Variants in PTPRS observed in about 807,000 individuals in gnomAD.
PTPRS encodes protein tyrosine phosphatase receptor type S, also known as receptor-type tyrosine-protein phosphatase S.
PTPRS carries 63 observed loss-of-function variants against 215.3 expected under a neutral mutation model. The ratio of observed to expected loss-of-function variants is 0.29; its 90% CI spans 0.24 to 0.36. The LOEUF is 0.36. PTPRS is among the 10% of genes least tolerant of loss of function. The pLI is 1.00. For missense variants in PTPRS, 2,258 were observed against 2,825.8 expected, an observed-to-expected ratio of 0.80 and a Z score of 4.56; for synonymous variants, 1,404 against 1,191.4, an observed-to-expected ratio of 1.18 and a Z score of -3.68.
intron 13 of PTPRS, among the ~76,000 whole-genome samples, chr19:5,232,470 A>T (rs2043096964): frequency 6.6e-6 from 1 of 151,948 alleles, no homozygotes; most frequent in Non-Finnish European, 1.5e-5. Context: ...TGTACCAGGC[A>T]CCATGCCAAG....
chr19:5,220,144 T>A lies in PTPRS; in HGVS notation c.3560A>T (p.Asp1187Val). The change falls in exon 22 of 38, where the codon GAC becomes GTC. Residue 1187 changes from aspartate (D) to valine (V), a missense_variant. Asp to Val is a radical substitution (Grantham distance 152, BLOSUM62 -3). Around this residue, in one of 6 missense-constraint regions of PTPRS, gnomAD observed 927 missense variants for 1,125.9 expected, o/e 0.82. Coordinates refer to ENST00000262963, the MANE Select transcript of PTPRS (RefSeq NM_002850.4). ...EDMDLEELIQDISRLQRRSLR... is the reference protein window; with the variant it reads ...EDMDLEELIQVISRLQRRSLR... ...GCTGCGCCTCTGTAGCCGTGAGATG[T>A]CCTGGATGAGCTGCGGGAACAGAGT... 6.2e-7 allele frequency: 1 copy of A among 1,611,418 alleles called. No individual in the cohort carries two copies. Among genetic ancestry groups the A allele is most frequent in the South Asian group, 1.1e-5 (1 of 91,050 alleles).
intron 9 of PTPRS, among the ~76,000 whole-genome samples, chr19:5,247,194 TTAATAATAA>T (rs112152247): frequency 6.8e-6 from 1 of 147,742 alleles, no homozygotes; most frequent in Non-Finnish European, 1.5e-5. Context: ...AAATAGTATA[TTAATAATAA>T]TAATAATAAT....
intron 1 of PTPRS, among the ~76,000 whole-genome samples, chr19:5,288,586 A>G (rs971444434): frequency 1.3e-5 from 2 of 152,214 alleles, no homozygotes; most frequent in African/African-American, 4.8e-5. Context: ...GGCCCTGCCC[A>G]GAAATGCACA....
rs1478713697 is a variant in PTPRS at position 5,244,517 on chromosome 19, C to T, written c.989-35G>A. On this transcript the variant is annotated intron_variant, in intron 10 of 37. Transcript: ENST00000262963. The surrounding 1 kb of genome is among the most constrained non-coding windows in gnomAD (Gnocchi z 7.2). ...GGAGGCAGCTGTGTCACGCATTGGGCACATTGGTTGAGGACCCTGAAGGCT... is the reference window on the plus strand; with the variant it reads ...GGAGGCAGCTGTGTCACGCATTGGGTACATTGGTTGAGGACCCTGAAGGCT... The T allele has an allele frequency of 1.3e-6, 2 of 1,571,612 alleles. No individual in the cohort carries two copies. Among genetic ancestry groups the T allele is most frequent in the Non-Finnish European group, 1.7e-6 (2 of 1,149,700 alleles).
At chr19:5,267,452 T>A (rs896297816) in intron 4 of PTPRS, among the ~76,000 whole-genome samples, 21 of 151,174 alleles carry the variant, frequency 1.4e-4, no homozygotes, top group Admixed American at 5.9e-4. Flanking sequence ...AGGTCAGGAG[T>A]TCGAGACCAG....
At chr19:5,304,633 G>A (rs1048042483) in intron 1 of PTPRS, among the ~76,000 whole-genome samples, 1 of 152,062 alleles carries the variant, frequency 6.6e-6, no homozygotes, top group Non-Finnish European at 1.5e-5. Flanking sequence ...TGGGTGATAG[G>A]GGGAGACTCC....
chr19:5,300,392 A>G (rs1356823076), intron 1 of PTPRS, among the ~76,000 whole-genome samples: 1 of 152,178 alleles, frequency 6.6e-6, no homozygotes, highest in Non-Finnish European at 1.5e-5. Context: ...TTCTGTGGCC[A>G]GCTCTCCCAG....
chr19:5,293,268 G>C lies in PTPRS; in HGVS notation c.-94-7034C>G, dbSNP rs1220676230. ...AAGACTCGGGAGAGGCCTCGGCCTG[G>C]GGAGCTCGGCCTGGGGGCGGGGCAA... On this transcript the variant is annotated intron_variant, in intron 1 of 37. Transcript: ENST00000262963. The surrounding 1 kb of genome is among the most constrained non-coding windows in gnomAD (Gnocchi z 8.4). 1 of 151,244 alleles carries C rather than the reference G, an allele frequency of 6.6e-6. No individual in the cohort carries two copies. Among genetic ancestry groups the C allele is most frequent in the African/African-American group, 2.4e-5 (1 of 41,096 alleles). 9.4% of individuals were successfully genotyped at this position (151,244 alleles called of 1,614,324 possible).
At chr19:5,288,868 G>C (rs1187500447) in intron 1 of PTPRS, among the ~76,000 whole-genome samples, 1 of 152,194 alleles carries the variant, frequency 6.6e-6, no homozygotes, top group Non-Finnish European at 1.5e-5. Flanking sequence ...GGCTCCCACG[G>C]CAGAAGCCAT....
chr19:5,273,634 G>A, intron 3 of PTPRS, 51 bp from the exon 4 acceptor site: 1 of 1,609,360 alleles, frequency 6.2e-7, no homozygotes, highest in African/African-American at 1.3e-5. Context: ...GTCCCAGGAA[G>A]GTTCCTGTCT....
intron 14 of PTPRS, among the ~76,000 whole-genome samples, chr19:5,230,701 T>A (rs113149163): frequency 4.3e-4 from 66 of 152,300 alleles, no homozygotes; most frequent in African/African-American, 1.5e-3. Context: ...ACTCATATGA[T>A]CCTCCTGCCT....
intron 6 of PTPRS, among the ~76,000 whole-genome samples, chr19:5,261,958 T>C (rs2046028952): frequency 6.6e-6 from 1 of 152,102 alleles, no homozygotes; most frequent in African/African-American, 2.4e-5. Flanking sequence ...GGGATGACGA[T>C]GGTGGAAGTC....
In PTPRS at chr19:5,257,074, G is replaced by A. The variant is rs552796729; in HGVS notation, c.706+943C>T. Among the ~76,000 whole-genome samples the A allele has an allele frequency of 2.6e-5, 4 of 151,026 alleles. No homozygotes were observed. The highest frequency in any genetic ancestry group is 6.6e-5 in the Admixed American group (1 of 15,102). ...TACCACAAATCTGATCAGAAACAGC[G>A]ACTAGGAGGTGAAAGGGAGGAGGAG... On this transcript the variant is annotated intron_variant, in intron 8 of 37. Transcript: ENST00000262963. The surrounding 1 kb of genome is among the most constrained non-coding windows in gnomAD (Gnocchi z 4.4).
chr19:5,232,576 C>A (rs1055969685), intron 13 of PTPRS, among the ~76,000 whole-genome samples: 2 of 148,456 alleles, frequency 1.3e-5, no homozygotes, highest in African/African-American at 5.0e-5. Flanking sequence ...TATTAGGCAC[C>A]TACTATGTGC....
At chr19:5,246,102 A>T in intron 9 of PTPRS, 57 bp from the exon 10 acceptor site, 23 of 909,126 alleles carry the variant, frequency 2.5e-5, no homozygotes, top group Non-Finnish European at 3.1e-5. Context: ...AGGTGGGGTG[A>T]GGTTGGGAGG....
chr19:5,222,479 G>A (rs541828421), intron 18 of PTPRS, among the ~76,000 whole-genome samples: 2 of 151,626 alleles, frequency 1.3e-5, no homozygotes, highest in Non-Finnish European at 3.0e-5. Flanking sequence ...AGGGGAGCAA[G>A]GGGAGGGGGC....
At chr19:5,311,495 G>A (rs961308283) in intron 1 of PTPRS, among the ~76,000 whole-genome samples, 5 of 152,210 alleles carry the variant, frequency 3.3e-5, no homozygotes, top group South Asian at 4.1e-4. Context: ...GAAAGGACAC[G>A]ACGGTTGTTT....
intron 9 of PTPRS, among the ~76,000 whole-genome samples, chr19:5,250,664 T>TG (rs1216689691): frequency 6.2e-4 from 6 of 9,636 alleles, no homozygotes; most frequent in East Asian, 4.5e-3. Context: ...GGCGGTGGGG[T>TG]GGGGGGGTGG....
At chr19:5,251,196 A>G (rs2045024942) in intron 9 of PTPRS, among the ~76,000 whole-genome samples, 2 of 151,992 alleles carry the variant, frequency 1.3e-5, no homozygotes, top group Non-Finnish European at 2.9e-5. Flanking sequence ...TAGCCCAAGG[A>G]GGGTGGGCAC....
Sources: gnomAD v4.1 joint callset for allele counts (sites outside exome capture counted in the v4.1 genomes callset) on GRCh38, gnomAD v4.1.1 for gene constraint, gnomAD v4.1.1 regional missense constraint, Gnocchi (gnomAD v3.1) non-coding constraint, MANE v1.5 for transcripts, NCBI Gene and HGNC (gene_info 2026-07-23, HGNC 2026-07-21) for gene names.